PARM1: variants seen among roughly 807,000 people sequenced by gnomAD.
PARM1 encodes the protein WSC4, cell wall integrity and stress response component 4 homolog.
PARM1 carries 14 observed loss-of-function variants against 24.6 expected under a neutral mutation model. The ratio of observed to expected loss-of-function variants is 0.57; its 90% CI spans 0.38 to 0.89. PARM1 has a LOEUF of 0.89. Ranked by LOEUF, PARM1 falls within the 40% of genes least tolerant of loss-of-function variation. The pLI is 0.00. For missense variants in PARM1, 362 were observed against 380.4 expected (o/e 0.95, Z 0.40); for synonymous variants, 179 against 156.6 (o/e 1.14, Z -1.07).
chr4:74,958,210 T>A (rs1467848960), intron 1 of PARM1, among the ~76,000 whole-genome samples: 1 of 152,170 alleles, frequency 6.6e-6, no homozygotes, highest in African/African-American at 2.4e-5. Flanking sequence ...TGACTCTTAA[T>A]CCTAGGAAGA....
At chr4:75,036,420 T>C (rs757172903) in intron 3 of PARM1, among the ~76,000 whole-genome samples, 7 of 152,212 alleles carry the variant, frequency 4.6e-5, no homozygotes, top group Non-Finnish European at 7.3e-5. Flanking sequence ...CCTGGGCATG[T>C]CACAGAGCAC....
chr4:75,018,110 T>C (rs1011253298), intron 2 of PARM1, among the ~76,000 whole-genome samples: 2 of 152,250 alleles, frequency 1.3e-5, no homozygotes, highest in African/African-American at 4.8e-5. Flanking sequence ...GCTTCTACTA[T>C]GAGCCAGGCA....
chr4:74,975,216 C>T (rs1722118475), intron 1 of PARM1, among the ~76,000 whole-genome samples: 1 of 152,206 alleles, frequency 6.6e-6, no homozygotes, highest in Admixed American at 6.5e-5. Flanking sequence ...ATGTATCACT[C>T]TTTAAAAAAC....
intron 1 of PARM1, among the ~76,000 whole-genome samples, chr4:74,984,763 A>T (rs1252504289): frequency 6.6e-6 from 1 of 152,252 alleles, no homozygotes. Context: ...GCTGAGGTCA[A>T]ATCCAGCCTT....
At chr4:75,043,997 T>C (rs1723549689) in intron 3 of PARM1, among the ~76,000 whole-genome samples, 1 of 151,948 alleles carries the variant, frequency 6.6e-6, no homozygotes, top group African/African-American at 2.4e-5. Context: ...AAATCAGAAT[T>C]TTGAAGGCTA....
At chr4:74,987,555 T>C (rs1337800836) in intron 1 of PARM1, among the ~76,000 whole-genome samples, 1 of 152,222 alleles carries the variant, frequency 6.6e-6, no homozygotes, top group Non-Finnish European at 1.5e-5. Context: ...TGAAATAACA[T>C]ACTGAATATT....
At chr4:74,991,327 C>G (rs1722462508) in intron 1 of PARM1, among the ~76,000 whole-genome samples, 1 of 152,138 alleles carries the variant, frequency 6.6e-6, no homozygotes. Flanking sequence ...GCAGTAATTT[C>G]TAACAAGAAG....
chr4:74,960,724 T>A (rs1721752125), intron 1 of PARM1, among the ~76,000 whole-genome samples: 1 of 152,042 alleles, frequency 6.6e-6, no homozygotes, highest in Admixed American at 6.6e-5. Context: ...GTACAAAAAC[T>A]TTAAAACAAT....
intron 2 of PARM1, among the ~76,000 whole-genome samples, chr4:75,027,644 A>T (rs570153935): frequency 1.3e-5 from 2 of 152,314 alleles, no homozygotes; most frequent in Non-Finnish European, 1.5e-5. Flanking sequence ...ATTTGGCAGG[A>T]TTCTGAGCAG....
Position 74,991,129 on chromosome 4 carries a change from G to A in PARM1, c.44-21296G>A, listed in dbSNP as rs553219763. On this transcript the variant is annotated intron_variant, in intron 1 of 3. Transcript: ENST00000307428. ...GCCCTGCAGAAGCACTTTTTCTTGA[G>A]CATAAAGGATATATAAAAAGTTTGG... 4.5e-4 allele frequency among the ~76,000 whole-genome samples: 68 copies of A among 152,188 alleles called. 1 individual carries two copies. In the South Asian group the frequency reaches 7.3e-3, roughly 16 times the overall value.
chr4:74,947,361 GA>G (rs201396282), intron 1 of PARM1, among the ~76,000 whole-genome samples: 9 of 149,606 alleles, frequency 6.0e-5, no homozygotes, highest in African/African-American at 1.2e-4. Flanking sequence ...GAATTACAAG[GA>G]AAAAAAAAGA....
chr4:74,933,233 C>A lies in PARM1; in HGVS notation c.-95C>A. ...CCTCCCGGCTCCCACCGCAGCCCAC[C>A]CGGCAGAGGAGTCGCTACCAGCGCC... On this transcript the variant is annotated 5_prime_UTR_variant, in exon 1 of 4. Transcript: ENST00000307428. 1 of 1,109,856 alleles carries A rather than the reference C, an allele frequency of 9.0e-7. No homozygotes were observed. The highest frequency in any genetic ancestry group is 1.3e-6 in the Non-Finnish European group (1 of 743,892). 68.8% of individuals were successfully genotyped at this position (1,109,856 alleles called of 1,614,324 possible).
intron 3 of PARM1, among the ~76,000 whole-genome samples, chr4:75,037,487 G>T (rs2109811842): frequency 6.6e-6 from 1 of 152,336 alleles, no homozygotes; most frequent in South Asian, 2.1e-4. Flanking sequence ...TAAAGGCATT[G>T]TAAACTTAAG....
rs754984806 is a variant in PARM1, at chr4:75,012,662, G to T, written c.281G>T (p.Gly94Val). The change falls in exon 2 of 4, where the codon GGT (glycine) becomes GTT (valine). Residue 94 changes from glycine (G) to valine (V), a missense_variant. By Grantham distance (109) the Gly-to-Val change is moderately radical (BLOSUM62 -3). Transcript: ENST00000307428. ...ESREEEITSPGSNWEGTNTDP... is the reference protein window; with the variant it reads ...ESREEEITSPVSNWEGTNTDP... The stretch of plus-strand genomic sequence containing the variant: ...AGAGAAGAGGAGATCACCAGCCCAG[G>T]TTCGAATTGGGAAGGCACAAACACA... The T allele has an allele frequency of 2.5e-6, 4 of 1,613,860 alleles. No individual in the cohort carries two copies. In the African/African-American group the frequency reaches 5.3e-5, roughly 22 times the overall value.
At chr4:75,001,531 G>C (rs1405004202) in intron 1 of PARM1, among the ~76,000 whole-genome samples, 3 of 152,164 alleles carry the variant, frequency 2.0e-5, no homozygotes, top group Non-Finnish European at 2.9e-5. Context: ...TCTGTATCTT[G>C]ATCTTGCTGG....
At chr4:75,016,853 G>A (rs1345677394) in intron 2 of PARM1, among the ~76,000 whole-genome samples, 1 of 152,098 alleles carries the variant, frequency 6.6e-6, no homozygotes, top group Non-Finnish European at 1.5e-5. Flanking sequence ...ACACTGAGAT[G>A]TAAAATTCTC....
chr4:74,966,175 T>C (rs552652703), intron 1 of PARM1, among the ~76,000 whole-genome samples: 1 of 152,342 alleles, frequency 6.6e-6, no homozygotes, highest in African/African-American at 2.4e-5. Flanking sequence ...CGGACAGTGG[T>C]TGTCGCCAAA....
chr4:75,044,250 T>C (rs1292121445), intron 3 of PARM1, among the ~76,000 whole-genome samples: 1 of 152,210 alleles, frequency 6.6e-6, no homozygotes, highest in East Asian at 1.9e-4. Context: ...GTATCTAGCA[T>C]ACATGATTTC....
chr4:75,041,897 T>C (rs1187287257), intron 3 of PARM1, among the ~76,000 whole-genome samples: 3 of 152,202 alleles, frequency 2.0e-5, no homozygotes, highest in Admixed American at 6.5e-5. Context: ...TAGACTCACA[T>C]TGACAATAAG....
Sources: gnomAD v4.1 joint callset for allele counts (sites outside exome capture counted in the v4.1 genomes callset) on GRCh38, gnomAD v4.1.1 for gene constraint, MANE v1.5 for transcripts, NCBI Gene and HGNC (gene_info 2026-07-23, HGNC 2026-07-21) for gene names.